ARHGAP39: variants seen among roughly 807,000 people sequenced by gnomAD.
ARHGAP39 encodes the protein rho GTPase-activating protein 39.
Under a neutral mutation model 106.9 loss-of-function variants are expected in ARHGAP39, and 44 were observed. The observed-to-expected ratio is 0.41, with a 90% confidence interval of 0.32 to 0.53. ARHGAP39 has a LOEUF of 0.53. Among genes scored for constraint, ARHGAP39 ranks in the 20% least tolerant of loss-of-function variants. The pLI, the probability that ARHGAP39 is intolerant of heterozygous loss-of-function variation, is 0.21. For missense variants in ARHGAP39, 1,496 were observed against 1,577.3 expected (o/e 0.95, Z 0.87); for synonymous variants, 768 against 693.2 (o/e 1.11, Z -1.69).
At chr8:144,589,510 G>A (rs1471130525) in intron 2 of ARHGAP39, among the ~76,000 whole-genome samples, 1 of 152,184 alleles carries the variant, frequency 6.6e-6, no homozygotes, top group Admixed American at 6.5e-5. Flanking sequence ...TGAGGACACC[G>A]ACTTGGTGAC....
At chr8:144,545,152 G>C in intron 6 of ARHGAP39, 97 bp downstream of exon 6, 2 of 1,191,876 alleles carry the variant, frequency 1.7e-6, no homozygotes, top group Admixed American at 2.6e-5. Context: ...CCTGTGTGGA[G>C]GGCCGCCAGG....
At chr8:144,580,765 CCA>C in intron 3 of ARHGAP39, 79 bp downstream of exon 3, 1 of 157,644 alleles carries the variant, frequency 6.3e-6, no homozygotes, top group African/African-American at 2.9e-5. Flanking sequence ...CTGGCCCCGC[CCA>C]CCACCCCCTA....
At chr8:144,685,914 C>T (rs375524505), upstream of ARHGAP39, among the ~76,000 whole-genome samples, 299 of 150,220 alleles carry the variant, frequency 2.0e-3, 19 homozygotes, top group South Asian at 0.06. Context: ...GCGGCGGTCA[C>T]TACCCGCCGC....
chr8:144,626,769 T>C (rs1156960060), intron 1 of ARHGAP39, among the ~76,000 whole-genome samples: 1 of 152,256 alleles, frequency 6.6e-6, no homozygotes, highest in Non-Finnish European at 1.5e-5. Flanking sequence ...CCCGCGGCTC[T>C]GCTGGGCAGC....
intron 1 of ARHGAP39, among the ~76,000 whole-genome samples, chr8:144,610,193 T>C (rs1363924628): frequency 6.6e-6 from 1 of 152,232 alleles, no homozygotes. Flanking sequence ...ATTTTTGACA[T>C]TGATATAAAA....
chr8:144,581,300 CGGCT>C, intron 2 of ARHGAP39, 23 bp from the exon 3 acceptor site: 1 of 1,516,742 alleles, frequency 6.6e-7, no homozygotes. Flanking sequence ...AGGGTTAAGG[CGGCT>C]GGAGCCACGG....
intron 3 of ARHGAP39, among the ~76,000 whole-genome samples, chr8:144,578,845 AAAAC>A (rs766228269): frequency 4.5e-4 from 68 of 151,684 alleles, no homozygotes; most frequent in East Asian, 1.7e-3. Flanking sequence ...CCCTGTCTCA[AAAAC>A]AAACAAACAA....
At chr8:144,659,855 C>T in intron 1 of ARHGAP39, among the ~76,000 whole-genome samples, 1 of 152,196 alleles carries the variant, frequency 6.6e-6, no homozygotes. Flanking sequence ...TTTCCCTCTA[C>T]ATGCTACCCT....
At chr8:144,537,435 G>A (rs1234007174) in intron 7 of ARHGAP39, among the ~76,000 whole-genome samples, 1 of 152,084 alleles carries the variant, frequency 6.6e-6, no homozygotes, top group African/African-American at 2.4e-5. Flanking sequence ...GCACCTCCAG[G>A]AGCCCTCAGC....
intron 1 of ARHGAP39, among the ~76,000 whole-genome samples, chr8:144,607,879 G>A (rs753870396): frequency 6.6e-6 from 1 of 152,100 alleles, no homozygotes; most frequent in African/African-American, 2.4e-5. Flanking sequence ...AACTCAGGCC[G>A]GGCGCGGTGG....
chr8:144,700,074 C>T, the ARHGAP39 span, among the ~76,000 whole-genome samples: 1 of 152,208 alleles, frequency 6.6e-6, no homozygotes, highest in African/African-American at 2.4e-5. This position sits in a 1 kb window ranked among gnomAD's most constrained non-coding sequence, Gnocchi z 5.6. Flanking sequence ...ACCCAACGGC[C>T]GCTCCCCGTT....
upstream of ARHGAP39, among the ~76,000 whole-genome samples, chr8:144,688,190 G>A (rs889361319): frequency 1.4e-4 from 21 of 149,638 alleles, no homozygotes; most frequent in East Asian, 4.1e-3. Flanking sequence ...TGCAACCTCT[G>A]CCTTCTGGGT....
chr8:144,594,523 C>T (rs184564727), intron 2 of ARHGAP39, among the ~76,000 whole-genome samples: 64 of 151,886 alleles, frequency 4.2e-4, no homozygotes, highest in African/African-American at 1.3e-3. Flanking sequence ...GGTGAAACCC[C>T]GTCTCTACTA....
intron 3 of ARHGAP39, among the ~76,000 whole-genome samples, chr8:144,564,907 G>A (rs1376465473): frequency 2.6e-5 from 4 of 151,774 alleles, no homozygotes; most frequent in Admixed American, 6.6e-5. Context: ...TCAGGAGTTC[G>A]AGACCAACCT....
chr8:144,618,894 G>A (rs547827860), intron 1 of ARHGAP39, among the ~76,000 whole-genome samples: 23 of 152,378 alleles, frequency 1.5e-4, no homozygotes, highest in Non-Finnish European at 2.4e-4. Context: ...TTGCGCACTG[G>A]TGACAGCGGC....
intron 5 of ARHGAP39, among the ~76,000 whole-genome samples, chr8:144,546,260 C>A (rs1399123110): frequency 6.6e-6 from 1 of 152,206 alleles, no homozygotes; most frequent in Non-Finnish European, 1.5e-5. Flanking sequence ...TTCCCTCCAG[C>A]CTTCACCCCA....
At chr8:144,640,157 A>G (rs1821274704) in intron 1 of ARHGAP39, among the ~76,000 whole-genome samples, 1 of 152,194 alleles carries the variant, frequency 6.6e-6, no homozygotes, top group Admixed American at 6.5e-5. Flanking sequence ...GGATTGGCTA[A>G]ACACAAACAC....
rs1820228258 is a variant in ARHGAP39 at position 144,604,985 on chromosome 8, A to C, written c.80+550T>G. ...CAAATAAAAGCCTAGAAATCAGGGC[A>C]GAGCAGTGGCTCACGTCTGTGATCC... On this transcript the variant is annotated intron_variant, in intron 2 of 11. Transcript: ENST00000377307. This position sits in a 1 kb window ranked among gnomAD's most constrained non-coding sequence, Gnocchi z 4.1. 6.6e-6 allele frequency among the ~76,000 whole-genome samples: 1 copy of C among 152,244 alleles called. No homozygotes were observed. Among genetic ancestry groups the C allele is most frequent in the Non-Finnish European group, 1.5e-5 (1 of 68,044 alleles).
intron 1 of ARHGAP39, among the ~76,000 whole-genome samples, chr8:144,614,435 C>T (rs1223693521): frequency 4.6e-5 from 7 of 152,040 alleles, no homozygotes; most frequent in Non-Finnish European, 7.4e-5. Context: ...TCACTGCAAC[C>T]TCCGCCTCCC....
Sources: gnomAD v4.1 joint callset for allele counts (sites outside exome capture counted in the v4.1 genomes callset) on GRCh38, gnomAD v4.1.1 for gene constraint, Gnocchi (gnomAD v3.1) non-coding constraint, MANE v1.5 for transcripts, NCBI Gene and HGNC (gene_info 2026-07-23, HGNC 2026-07-21) for gene names.